The following ZNF563 variants were observed in gnomAD, a reference collection of about 807,000 sequenced individuals.
The protein encoded by ZNF563 is zinc finger protein 563.
Under a neutral mutation model 48.5 loss-of-function variants are expected in ZNF563, and 39 were observed. The ratio of observed to expected loss-of-function variants is 0.80; its 90% CI spans 0.62 to 1.05. The LOEUF is 1.05. Ranked by LOEUF, ZNF563 falls within the 50% of genes least tolerant of loss-of-function variation. The probability of loss-of-function intolerance (pLI) is 0.00; values close to 1 mark genes in which losing one functional copy is unlikely to be tolerated. For missense variants in ZNF563, 538 were observed against 597.0 expected (o/e 0.90, Z 1.03); for synonymous variants, 168 against 187.9 (o/e 0.89, Z 0.87).
At chr19:12,333,220 G>A (rs1047545891) in intron 1 of ZNF563, among the ~76,000 whole-genome samples, 3 of 152,176 alleles carry the variant, frequency 2.0e-5, no homozygotes, top group Non-Finnish European at 2.9e-5. Context: ...GGGGGGCTGC[G>A]GGCGAGGAGC....
upstream of ZNF563, among the ~76,000 whole-genome samples, chr19:12,335,423 T>A (rs528898958): frequency 4.1e-4 from 63 of 152,338 alleles, no homozygotes; most frequent in African/African-American, 1.4e-3. Context: ...TGTCCAACTT[T>A]GTTTGACTGC....
intron 3 of ZNF563, 117 bp downstream of exon 3, chr19:12,321,155 T>C (rs1270416314): frequency 2.7e-6 from 2 of 745,526 alleles, no homozygotes; most frequent in Non-Finnish European, 4.2e-6. Flanking sequence ...AAAAGTTAAT[T>C]TAAAAAATTA....
the ZNF563 span, among the ~76,000 whole-genome samples, chr19:12,344,955 A>G: frequency 6.6e-6 from 1 of 152,194 alleles, no homozygotes; most frequent in African/African-American, 2.4e-5. Flanking sequence ...TAAACAATCC[A>G]AAAAGAAAAT....
chr19:12,346,928 T>C, the ZNF563 span: 2 of 152,202 alleles, frequency 1.3e-5, no homozygotes, highest in Non-Finnish European at 2.9e-5. Context: ...AGATTTTCAG[T>C]ACTTTGGGAT....
At chr19:12,323,886 A>G (rs1324510407) in intron 1 of ZNF563, among the ~76,000 whole-genome samples, 1 of 152,216 alleles carries the variant, frequency 6.6e-6, no homozygotes, top group Non-Finnish European at 1.5e-5. Context: ...TGACAAATAA[A>G]TAATAAAAGA....
chr19:12,336,886 T>C (rs567850982), upstream of ZNF563, among the ~76,000 whole-genome samples: 4 of 152,338 alleles, frequency 2.6e-5, no homozygotes, highest in South Asian at 8.3e-4. Flanking sequence ...TCCTAAGTAT[T>C]GTACAAATAC....
chr19:12,319,046 G>A lies in ZNF563; in HGVS notation c.979C>T (p.His327Tyr), dbSNP rs1438372830. Residue 327 changes from histidine (H) to tyrosine (Y), a missense_variant, in exon 4 of 4, where the codon CAC becomes TAC. Physicochemically the swap from His to Tyr is moderately conservative, Grantham distance 83 (BLOSUM62 2). Coordinates refer to ENST00000293725, the MANE Select transcript of ZNF563 (RefSeq NM_145276.3). ...TFHHLGSFQIHMKRHTGDRPH... is the reference protein window; with the variant it reads ...TFHHLGSFQIYMKRHTGDRPH... ...CGATCTCCAGTGTGCCTTTTCATGT[G>A]TATCTGAAAGCTTCCAAGATGATGA... 4 of 1,614,078 alleles carry A rather than the reference G, an allele frequency of 2.5e-6. No individual in the cohort carries two copies. The highest frequency in any genetic ancestry group is 3.4e-6 in the Non-Finnish European group (4 of 1,180,044).
upstream of ZNF563, among the ~76,000 whole-genome samples, chr19:12,338,500 C>T (rs1446005974): frequency 1.3e-5 from 2 of 152,082 alleles, no homozygotes; most frequent in Admixed American, 6.6e-5. Context: ...CCACCTGCCT[C>T]GGAAAGAGCT....
At chr19:12,336,834 C>G (rs78271554), upstream of ZNF563, among the ~76,000 whole-genome samples, 7,407 of 152,184 alleles carry the variant, frequency 0.049, 599 homozygotes, top group African/African-American at 0.17. Flanking sequence ...CTCTCAACCC[C>G]AGCCCACACC....
chr19:12,329,532 G>T (rs1449923877), intron 1 of ZNF563, among the ~76,000 whole-genome samples: 1 of 149,354 alleles, frequency 6.7e-6, no homozygotes, highest in Admixed American at 6.7e-5. Flanking sequence ...TCTCTGAAAA[G>T]ATCTGTAAAA....
At chr19:12,341,419 G>A in the ZNF563 span, among the ~76,000 whole-genome samples, 1 of 152,170 alleles carries the variant, frequency 6.6e-6, no homozygotes, top group Non-Finnish European at 1.5e-5. Context: ...AAAAGGCAGA[G>A]ATAAGCAGAA....
Position 12,321,334 on chromosome 19 carries a change from T to C in ZNF563, c.131-2A>G. 1 of 1,543,758 alleles carries C rather than the reference T, an allele frequency of 6.5e-7. No homozygotes were observed. The highest frequency in any genetic ancestry group is 8.7e-7 in the Non-Finnish European group (1 of 1,150,756). On this transcript the variant is annotated splice_acceptor_variant, in intron 2 of 3. Transcript: ENST00000293725. LOFTEE classifies it high-confidence loss of function. ...TATTCTGTTCTTCCCATATCATTCC[T>C]AAAAGGGAGACCCAGAAAATCACTA...
intron 1 of ZNF563, among the ~76,000 whole-genome samples, chr19:12,326,268 T>C (rs1168653708): frequency 6.6e-6 from 1 of 152,076 alleles, no homozygotes; most frequent in Non-Finnish European, 1.5e-5. Flanking sequence ...AATTGAGCAA[T>C]ATAGAACTAA....
chr19:12,318,454 A>T lies in ZNF563; in HGVS notation c.*140T>A. The T allele has an allele frequency of 1.0e-6, 1 of 964,578 alleles. No individual in the cohort carries two copies. The highest frequency in any genetic ancestry group is 1.5e-6 in the Non-Finnish European group (1 of 660,416). The allele number at this position is 964,578 out of a possible 1,614,324, so 59.8% of individuals were successfully genotyped here. ...TATCATACAGCATCTCTCCAGTGTG[A>T]GATATTTCATGATTTTGAAAGGAAT... On this transcript the variant is annotated 3_prime_UTR_variant, in exon 4 of 4. Transcript: ENST00000293725.
chr19:12,340,062 C>T, the ZNF563 span, among the ~76,000 whole-genome samples: 4 of 152,110 alleles, frequency 2.6e-5, no homozygotes, highest in Non-Finnish European at 4.4e-5. Context: ...TGGCCAGGTG[C>T]GGTGGCTCAC....
Position 12,333,596 on chromosome 19 carries a change from C to T in ZNF563, c.-114G>A. On this transcript the variant is annotated 5_prime_UTR_variant, in exon 1 of 4. Transcript: ENST00000293725. ...CCAGGGCGTCTCTCAGCGACTGAGG[C>T]TACACAGACGTTCCAGGGCGTCTCT... 1.4e-6 allele frequency: 2 copies of T among 1,465,680 alleles called. No homozygotes were observed. Among genetic ancestry groups the T allele is most frequent in the Non-Finnish European group, 1.9e-6 (2 of 1,072,930 alleles). The allele number at this position is 1,465,680 out of a possible 1,614,324, so 90.8% of individuals were successfully genotyped here.
At position 12,318,964 on chromosome 19, in the gene ZNF563, T is replaced by C. The variant is rs762925060; in HGVS notation, c.1061A>G (p.Tyr354Cys). 2 of 1,614,060 alleles carry C rather than the reference T, an allele frequency of 1.2e-6. No homozygotes were observed. Among genetic ancestry groups the C allele is most frequent in the South Asian group, 1.1e-5 (1 of 91,078 alleles). Residue 354 changes from tyrosine to cysteine, a missense_variant, in exon 4 of 4, where the codon TAT (tyrosine) becomes TGT (cysteine). Tyr to Cys is a radical substitution (Grantham distance 194). Coordinates refer to ENST00000293725, the MANE Select transcript of ZNF563 (RefSeq NM_145276.3). ...KGFDRPSLVR[Y>C]HERIHTGEKP... is the part of the protein sequence containing the mutation. ...CTCTCCAGTGTGAATTCGTTCATGA[T>C]ATCGAACTAAACTGGGACGATCAAA...
the ZNF563 span, among the ~76,000 whole-genome samples, chr19:12,343,762 G>A: frequency 3.3e-4 from 42 of 126,050 alleles, no homozygotes; most frequent in Non-Finnish European, 5.4e-4. Context: ...ATGGAGTCTC[G>A]CTCTGTCGCC....
chr19:12,332,367 G>A (rs116205618), intron 1 of ZNF563, among the ~76,000 whole-genome samples: 4,164 of 133,598 alleles, frequency 0.031, 243 homozygotes, highest in African/African-American at 0.11. Flanking sequence ...TTTTTTTTGA[G>A]ACGGAGTCTC....
Sources: allele counts gnomAD v4.1 joint callset (sites outside exome capture counted in the v4.1 genomes callset), GRCh38; gene constraint gnomAD v4.1.1; transcripts MANE v1.5; gene names NCBI Gene and HGNC (gene_info 2026-07-23, HGNC 2026-07-21).